The following CDH12 variants were observed in gnomAD, a reference collection of about 807,000 sequenced individuals.
The protein encoded by CDH12 is cadherin 12.
CDH12 carries 41 observed loss-of-function variants against 74.1 expected under a neutral mutation model. The observed-to-expected ratio is 0.55, with a 90% confidence interval of 0.43 to 0.72. CDH12 has a LOEUF of 0.72. CDH12 is among the 30% of genes least tolerant of loss of function. The pLI is 0.00. For synonymous variants in CDH12, 399 were observed against 355.0 expected, an observed-to-expected ratio of 1.12 and a Z score of -1.39; for missense variants, 945 against 977.2, an observed-to-expected ratio of 0.97 and a Z score of 0.44.
At chr5:22,847,563 G>T (rs1397551080) in intron 1 of CDH12, among the ~76,000 whole-genome samples, 1 of 151,942 alleles carries the variant, frequency 6.6e-6, no homozygotes, top group Non-Finnish European at 1.5e-5. Flanking sequence ...AATTTCCTCT[G>T]GTTTTCAACA....
At chr5:21,883,070 A>G in intron 6 of CDH12, 4 of 1,609,786 alleles carry the variant, frequency 2.5e-6, no homozygotes, top group Non-Finnish European at 3.4e-6. Flanking sequence ...AGCAGTCTAA[A>G]CCTGTGACCA....
At chr5:22,082,417 C>T in intron 4 of CDH12, among the ~76,000 whole-genome samples, 1 of 152,056 alleles carries the variant, frequency 6.6e-6, no homozygotes, top group East Asian at 1.9e-4. Flanking sequence ...GTCTGCTAAC[C>T]AAGAAGGCTA....
intron 5 of CDH12, among the ~76,000 whole-genome samples, chr5:21,996,992 ATTTG>A (rs1461142353): frequency 1.3e-5 from 2 of 152,154 alleles, no homozygotes; most frequent in South Asian, 4.1e-4. Context: ...AAATGGGATT[ATTTG>A]TTTATTAATA....
intron 6 of CDH12, among the ~76,000 whole-genome samples, chr5:21,876,442 G>A (rs369614680): frequency 7.2e-5 from 11 of 152,042 alleles, no homozygotes; most frequent in Admixed American, 2.0e-4. Flanking sequence ...TATACTTTCC[G>A]GTTGCTTCAA....
intron 4 of CDH12, among the ~76,000 whole-genome samples, chr5:22,163,098 A>G (rs1748463068): frequency 6.6e-6 from 1 of 151,716 alleles, no homozygotes; most frequent in African/African-American, 2.4e-5. Flanking sequence ...GGGTTTCACC[A>G]TCTCCATCTC....
chr5:22,235,884 G>A (rs887020539), intron 3 of CDH12, among the ~76,000 whole-genome samples: 11 of 152,242 alleles, frequency 7.2e-5, no homozygotes, highest in Admixed American at 2.0e-4. Flanking sequence ...AAACCTAGAC[G>A]GTGTAGCATA....
At chr5:21,847,725 C>T (rs541182103) in intron 7 of CDH12, among the ~76,000 whole-genome samples, 22 of 152,090 alleles carry the variant, frequency 1.4e-4, no homozygotes, top group Non-Finnish European at 3.2e-4. Context: ...AACATATTCA[C>T]AGGTCCTGGG....
At chr5:21,874,548 C>T (rs1751826566) in intron 6 of CDH12, among the ~76,000 whole-genome samples, 1 of 152,166 alleles carries the variant, frequency 6.6e-6, no homozygotes, top group Admixed American at 6.5e-5. Context: ...ATATAAACCC[C>T]AGGCATTTGA....
intron 6 of CDH12, among the ~76,000 whole-genome samples, chr5:21,870,393 C>T (rs764227443): frequency 6.6e-6 from 1 of 152,066 alleles, no homozygotes; most frequent in Non-Finnish European, 1.5e-5. Flanking sequence ...AGCTGGGGGC[C>T]TGGATAGAAT....
intron 5 of CDH12, among the ~76,000 whole-genome samples, chr5:22,015,875 C>A (rs1737571734): frequency 6.6e-6 from 1 of 152,110 alleles, no homozygotes; most frequent in South Asian, 2.1e-4. Context: ...TAAAAGGACA[C>A]TTTATTTCCT....
At chr5:22,102,739 T>A (rs1744215475) in intron 4 of CDH12, among the ~76,000 whole-genome samples, 1 of 151,988 alleles carries the variant, frequency 6.6e-6, no homozygotes, top group African/African-American at 2.4e-5. Context: ...GTAACAGTGT[T>A]GGGGGGAGGG....
intron 1 of CDH12, among the ~76,000 whole-genome samples, chr5:22,825,802 G>C (rs1050410727): frequency 1.3e-5 from 2 of 152,148 alleles, no homozygotes; most frequent in South Asian, 4.1e-4. Flanking sequence ...ATCAAACTAG[G>C]AGTTGTGTTA....
At chr5:22,225,642 G>T (rs1752168622) in intron 3 of CDH12, among the ~76,000 whole-genome samples, 1 of 152,034 alleles carries the variant, frequency 6.6e-6, no homozygotes, top group South Asian at 2.1e-4. Context: ...AAAAGAAAGT[G>T]TCTATTTGGC....
At chr5:22,460,713 A>ATTTTTT (rs3039460) in intron 2 of CDH12, among the ~76,000 whole-genome samples, 14,222 of 85,412 alleles carry the variant, frequency 0.17, 2,119 homozygotes, top group Admixed American at 0.29. Flanking sequence ...ATATCTAGCA[A>ATTTTTT]TTTTTTTTTT....
At chr5:21,928,613 GT>G (rs1027588881) in intron 6 of CDH12, among the ~76,000 whole-genome samples, 2 of 152,084 alleles carry the variant, frequency 1.3e-5, no homozygotes, top group African/African-American at 4.8e-5. Flanking sequence ...TTGTGTCACT[GT>G]TTTTTTAAGT....
At position 22,782,628 on chromosome 5, in the gene CDH12, T is replaced by A. The variant is rs374371466; in HGVS notation, c.-523+70430A>T. 9.9e-5 allele frequency among the ~76,000 whole-genome samples: 15 copies of A among 152,160 alleles called. No homozygotes were observed. The East Asian group carries it at 2.3e-3, about 23-fold the overall frequency. ...AGACTAATAGAATAGGTTTCTTTGA[T>A]CCTTGAGATTCTTATCTATGACCTA... On this transcript the variant is annotated intron_variant, in intron 1 of 14. Coordinates refer to ENST00000382254, the MANE Select transcript of CDH12 (RefSeq NM_004061.5).
At chr5:22,638,344 C>G (rs1482664023) in intron 1 of CDH12, among the ~76,000 whole-genome samples, 1 of 152,182 alleles carries the variant, frequency 6.6e-6, no homozygotes, top group Non-Finnish European at 1.5e-5. Context: ...CCAAGAGCCT[C>G]TGGCAAACCA....
At chr5:22,507,006 A>C (rs1193539544) in intron 1 of CDH12, among the ~76,000 whole-genome samples, 2 of 152,132 alleles carry the variant, frequency 1.3e-5, no homozygotes, top group African/African-American at 4.8e-5. Context: ...ATTCTTATAA[A>C]GATGTCCACA....
intron 5 of CDH12, among the ~76,000 whole-genome samples, chr5:21,986,240 A>G (rs935125460): frequency 6.6e-6 from 1 of 152,224 alleles, no homozygotes; most frequent in African/African-American, 2.4e-5. Flanking sequence ...AGAGCAAAAA[A>G]GCTTATGTGC....
Sources: allele counts gnomAD v4.1 joint callset (sites outside exome capture counted in the v4.1 genomes callset), GRCh38; gene constraint gnomAD v4.1.1; transcripts MANE v1.5; gene names NCBI Gene and HGNC (gene_info 2026-07-23, HGNC 2026-07-21).